The following AFAP1L2 variants were observed in gnomAD, a reference collection of about 807,000 sequenced individuals.
AFAP1L2 encodes the protein actin filament-associated protein 1-like 2.
Under a neutral mutation model 99.3 loss-of-function variants are expected in AFAP1L2, and 46 were observed. The observed-to-expected ratio is 0.46, with a 90% CI of 0.37 to 0.59. AFAP1L2 has a LOEUF of 0.59. Ranked by LOEUF, AFAP1L2 falls within the 20% of genes least tolerant of loss-of-function variation. The pLI is 0.00. For synonymous variants in AFAP1L2, 397 were observed against 419.1 expected (o/e 0.95, Z 0.64); for missense variants, 959 against 1,034.9 (o/e 0.93, Z 1.01).
Position 114,295,714 on chromosome 10 carries a change from C to T in AFAP1L2, c.*328G>A, listed in dbSNP as rs1589884064. The T allele has an allele frequency of 9.3e-7, 1 of 1,074,062 alleles. No homozygotes were observed. Among genetic ancestry groups the T allele is most frequent in the African/African-American group, 1.7e-5 (1 of 59,832 alleles). The allele number at this position is 1,074,062 out of a possible 1,614,324, so 66.5% of individuals were successfully genotyped here. A position where few individuals can be genotyped will look rare whatever the true frequency, so the allele number is the denominator to read the frequency against. Reference sequence around the variant, plus strand: ...GATTCATCTTCCACCAAAGTCTAAACAGGAGGTTTTCACTATTTAAAAATC... The same window carrying T: ...GATTCATCTTCCACCAAAGTCTAAATAGGAGGTTTTCACTATTTAAAAATC... On this transcript the variant is annotated 3_prime_UTR_variant, in exon 19 of 19. Coordinates refer to ENST00000304129, the MANE Select transcript of AFAP1L2 (RefSeq NM_001001936.3).
chr10:114,295,210 C>A lies in AFAP1L2; in HGVS notation c.*832G>T. 3 of 985,698 alleles carry A rather than the reference C, an allele frequency of 3.0e-6. No individual in the cohort carries two copies. Among genetic ancestry groups the A allele is most frequent in the Non-Finnish European group, 3.6e-6 (3 of 829,860 alleles). 61.1% of individuals were successfully genotyped at this position (985,698 alleles called of 1,614,324 possible). On this transcript the variant is annotated 3_prime_UTR_variant, in exon 19 of 19. Coordinates refer to ENST00000304129, the MANE Select transcript of AFAP1L2 (RefSeq NM_001001936.3). ...AACTCTTCCCTTAAAAATGGCCTGA[C>A]CACAGCAATGAATCTGTAAACACAG...
intron 1 of AFAP1L2, among the ~76,000 whole-genome samples, chr10:114,365,210 T>C (rs1177113350): frequency 6.6e-6 from 1 of 152,246 alleles, no homozygotes; most frequent in East Asian, 1.9e-4. Context: ...GGTATGGACA[T>C]TGTTCTCTTC....
intron 1 of AFAP1L2, among the ~76,000 whole-genome samples, chr10:114,384,981 A>G (rs1169523444): frequency 1.3e-5 from 2 of 152,232 alleles, no homozygotes; most frequent in Non-Finnish European, 2.9e-5. Context: ...CAGAGACATC[A>G]GGAACAGAGA....
At chr10:114,291,075 G>A, downstream of AFAP1L2, 1 of 951,004 alleles carries the variant, frequency 1.1e-6, no homozygotes. Flanking sequence ...ATAATCACAT[G>A]GGGTCTCTAA....
intron 1 of AFAP1L2, among the ~76,000 whole-genome samples, chr10:114,394,898 G>A (rs1371000947): frequency 2.0e-5 from 3 of 152,218 alleles, no homozygotes; most frequent in East Asian, 1.9e-4. Flanking sequence ...ATTTCCAGGG[G>A]CTCCAGACAT....
intron 1 of AFAP1L2, among the ~76,000 whole-genome samples, chr10:114,380,965 T>C (rs1319046420): frequency 1.3e-5 from 2 of 152,234 alleles, no homozygotes; most frequent in African/African-American, 4.8e-5. Flanking sequence ...GATTACCACA[T>C]GACCCAACAA....
At chr10:114,401,929 C>T (rs913338548) in intron 1 of AFAP1L2, among the ~76,000 whole-genome samples, 16 of 152,264 alleles carry the variant, frequency 1.1e-4, no homozygotes, top group South Asian at 2.1e-4. Context: ...TTAGAGAAAA[C>T]ATTTTGAGAC....
At chr10:114,341,826 A>G (rs987681633) in intron 1 of AFAP1L2, among the ~76,000 whole-genome samples, 3 of 152,068 alleles carry the variant, frequency 2.0e-5, no homozygotes, top group Non-Finnish European at 2.9e-5. Context: ...CTGTGTTACC[A>G]GTGGTAGTTA....
At chr10:114,382,141 C>T (rs538455119) in intron 1 of AFAP1L2, among the ~76,000 whole-genome samples, 2 of 152,326 alleles carry the variant, frequency 1.3e-5, no homozygotes, top group African/African-American at 4.8e-5. Flanking sequence ...ACATATCCTT[C>T]AATCCAGCAA....
chr10:114,290,164 G>C, downstream of AFAP1L2: 1 of 1,525,916 alleles, frequency 6.6e-7, no homozygotes, highest in Non-Finnish European at 8.9e-7. Context: ...ACCTCTACTG[G>C]GCTTACTTAG....
chr10:114,296,953 A>G, intron 18 of AFAP1L2, 25 bp downstream of exon 18: 2 of 1,613,914 alleles, frequency 1.2e-6, no homozygotes, highest in Non-Finnish European at 1.7e-6. Flanking sequence ...GCTGGCCCCA[A>G]GGGAGGCTGG....
At chr10:114,342,575 G>A (rs780922854) in intron 1 of AFAP1L2, among the ~76,000 whole-genome samples, 11 of 152,130 alleles carry the variant, frequency 7.2e-5, no homozygotes, top group African/African-American at 2.2e-4. Context: ...TCTTATAAGC[G>A]GGGAGGTAGG....
intron 1 of AFAP1L2, among the ~76,000 whole-genome samples, chr10:114,382,837 C>T (rs542430500): frequency 2.8e-4 from 43 of 152,094 alleles, no homozygotes; most frequent in African/African-American, 8.4e-4. Context: ...TCAGGTGATC[C>T]GCTCGCCTCA....
At chr10:114,293,645 CAG>C (rs368412167), downstream of AFAP1L2, among the ~76,000 whole-genome samples, 85 of 152,256 alleles carry the variant, frequency 5.6e-4, no homozygotes, top group Middle Eastern at 3.4e-3. Context: ...TCAAATAAGA[CAG>C]AAATATATTT....
chr10:114,402,130 C>T (rs192772915), intron 1 of AFAP1L2, among the ~76,000 whole-genome samples: 6 of 152,280 alleles, frequency 3.9e-5, no homozygotes, highest in Non-Finnish European at 7.4e-5. Flanking sequence ...TTCCGTTTAA[C>T]TTTGTTGTTT....
chr10:114,355,750 T>C (rs1171428698), intron 1 of AFAP1L2, among the ~76,000 whole-genome samples: 1 of 152,062 alleles, frequency 6.6e-6, no homozygotes, highest in African/African-American at 2.4e-5. Flanking sequence ...GGTGGTTGGA[T>C]CACTTGAGCC....
chr10:114,321,130 T>A (rs1195713644), intron 5 of AFAP1L2, among the ~76,000 whole-genome samples: 1 of 152,204 alleles, frequency 6.6e-6, no homozygotes, highest in East Asian at 1.9e-4. Flanking sequence ...CTGTTCTTTT[T>A]ATTTTTATTT....
intron 11 of AFAP1L2, among the ~76,000 whole-genome samples, chr10:114,304,356 G>A (rs1381912504): frequency 6.6e-6 from 1 of 152,200 alleles, no homozygotes; most frequent in Non-Finnish European, 1.5e-5. Context: ...CCCCAGATAA[G>A]CTCTAACAGT....
At chr10:114,363,096 G>A (rs2136635860) in intron 1 of AFAP1L2, 1 of 985,402 alleles carries the variant, frequency 1.0e-6, no homozygotes, top group South Asian at 4.7e-5. Flanking sequence ...TGGGATCCGA[G>A]CCTCTCAGCA....
Sources: gnomAD v4.1 joint callset for allele counts (sites outside exome capture counted in the v4.1 genomes callset) on GRCh38, gnomAD v4.1.1 for gene constraint, MANE v1.5 for transcripts, NCBI Gene and HGNC (gene_info 2026-07-23, HGNC 2026-07-21) for gene names.